PLEKHA6: variants seen among roughly 807,000 people sequenced by gnomAD.
PLEKHA6 encodes the protein pleckstrin homology domain-containing family A member 6.
In PLEKHA6, 60 loss-of-function variants were observed where a neutral mutation model predicts 116.7. That is an observed-to-expected ratio of 0.51 (90% confidence interval 0.42 to 0.64). PLEKHA6 has a LOEUF of 0.64. Ranked by LOEUF, PLEKHA6 falls within the 30% of genes least tolerant of loss-of-function variation. The probability of loss-of-function intolerance (pLI) is 0.00; values close to 1 mark genes in which losing one functional copy is unlikely to be tolerated. For missense variants in PLEKHA6, 1,338 were observed against 1,422.7 expected, an observed-to-expected ratio of 0.94 and a Z score of 0.96; for synonymous variants, 489 against 556.1, an observed-to-expected ratio of 0.88 and a Z score of 1.70.
intron 1 of PLEKHA6, among the ~76,000 whole-genome samples, chr1:204,358,904 A>AC (rs1264818544): frequency 6.3e-5 from 5 of 79,694 alleles, no homozygotes; most frequent in Admixed American, 1.3e-4. Context: ...CTTCTCCCCC[A>AC]CCCCCGCCAC....
rs1660657530 is a variant in PLEKHA6, at chr1:204,228,261, A to G, written c.2886-33T>C. 6.4e-7 allele frequency: 1 copy of G among 1,565,416 alleles called. No homozygotes were observed. Among genetic ancestry groups the G allele is most frequent in the East Asian group, 2.3e-5 (1 of 43,968 alleles). On this transcript the variant is annotated intron_variant, in intron 20 of 22. Coordinates refer to ENST00000272203, the MANE Select transcript of PLEKHA6 (RefSeq NM_014935.5). This position sits in a 1 kb window ranked among gnomAD's most constrained non-coding sequence, Gnocchi z 4.0. The stretch of plus-strand genomic sequence containing the variant: ...GGCACAGACACACAGAAATGGAGGG[A>G]GGGACAGGATGGTCCAAGTGGCTTG...
chr1:204,290,553 C>T (rs1669640152), intron 1 of PLEKHA6, among the ~76,000 whole-genome samples: 1 of 152,146 alleles, frequency 6.6e-6, no homozygotes, highest in African/African-American at 2.4e-5. Flanking sequence ...AGAGCTAAAA[C>T]TACAATGTTT....
chr1:204,321,739 G>A (rs940582946), intron 1 of PLEKHA6, among the ~76,000 whole-genome samples: 18 of 152,120 alleles, frequency 1.2e-4, no homozygotes, highest in African/African-American at 3.1e-4. Context: ...ACTGTGAAAC[G>A]GAAAGGACAA....
chr1:204,295,640 A>G (rs1670203455), intron 1 of PLEKHA6, among the ~76,000 whole-genome samples: 1 of 152,172 alleles, frequency 6.6e-6, no homozygotes, highest in African/African-American at 2.4e-5. Context: ...ATAGGACAAA[A>G]GAGCTGCTCA....
intron 1 of PLEKHA6, chr1:204,347,265 G>C: frequency 1.0e-6 from 1 of 987,974 alleles, no homozygotes; most frequent in Admixed American, 1.7e-5. Context: ...TCATTTTGGC[G>C]AATTACTGGA....
rs201457045 is a variant in PLEKHA6, at chr1:204,265,009, G to A, written c.314C>T (p.Pro105Leu). ...TGCGGCTACCCGGAAGCTCAGGAGGGGGATGCTGCCCAGGATACTCTCTTC... is the reference window on the plus strand; with the variant it reads ...TGCGGCTACCCGGAAGCTCAGGAGGAGGATGCTGCCCAGGATACTCTCTTC... ...EKEESILGSI[P>L]LLSFRVAAVQ... Residue 105 changes from proline (P) to leucine (L), a missense_variant, in exon 6 of 23, where the codon CCC becomes CTC. Pro to Leu is a moderately conservative substitution (Grantham distance 98). Transcript: ENST00000272203. 3 of 1,614,080 alleles carry A rather than the reference G, an allele frequency of 1.9e-6. No individual in the cohort carries two copies. The East Asian group carries it at 6.7e-5, about 36-fold the overall frequency.
chr1:204,359,462 G>A (rs1295403094), intron 1 of PLEKHA6: 1 of 235,260 alleles, frequency 4.3e-6, no homozygotes, highest in Non-Finnish European at 7.0e-6. Flanking sequence ...AACAGCATCA[G>A]CCCTGACAGG....
chr1:204,340,256 CCT>C (rs1672797498), intron 1 of PLEKHA6, among the ~76,000 whole-genome samples: 1 of 152,242 alleles, frequency 6.6e-6, no homozygotes. Flanking sequence ...GAAAACAAAC[CCT>C]CTGTGTTTGC....
rs1660804650 is a variant in PLEKHA6, at chr1:204,229,119, C to G, written c.2584-15G>C. On this transcript the variant is annotated splice_polypyrimidine_tract_variant and intron_variant, in intron 18 of 22. Coordinates refer to ENST00000272203, the MANE Select transcript of PLEKHA6 (RefSeq NM_014935.5). ...TGGCGGCGCACCTAGGGGACAGCAG[C>G]ATCGTGATTGCACCATGGCTACCCA... 2 of 1,608,382 alleles carry G rather than the reference C, an allele frequency of 1.2e-6. No homozygotes were observed. The highest frequency in any genetic ancestry group is 1.7e-5 in the Admixed American group (1 of 59,992).
intron 1 of PLEKHA6, among the ~76,000 whole-genome samples, chr1:204,324,266 A>C (rs2103239691): frequency 6.6e-6 from 1 of 152,254 alleles, no homozygotes; most frequent in African/African-American, 2.4e-5. Flanking sequence ...TGGATCGTGA[A>C]GGGATTTTGA....
At position 204,257,290 on chromosome 1, in the gene PLEKHA6, A is replaced by G. The variant is rs1180795465; in HGVS notation, c.1524+63T>C. On this transcript the variant is annotated intron_variant, in intron 9 of 22. Coordinates refer to ENST00000272203, the MANE Select transcript of PLEKHA6 (RefSeq NM_014935.5). The surrounding 1 kb of genome is among the most constrained non-coding windows in gnomAD (Gnocchi z 6.5). ...TCCCACATCTCTGCCTTTTCTCAGT[A>G]GATGGTCTTAGGCTTCTGGGGACCT... 1 of 1,455,252 alleles carries G rather than the reference A, an allele frequency of 6.9e-7. No homozygotes were observed. The highest frequency in any genetic ancestry group is 9.4e-7 in the Non-Finnish European group (1 of 1,062,714). The allele number at this position is 1,455,252 out of a possible 1,614,324, so 90.1% of individuals were successfully genotyped here.
chr1:204,361,417 C>T (rs1673556581), upstream of PLEKHA6, among the ~76,000 whole-genome samples: 1 of 152,154 alleles, frequency 6.6e-6, no homozygotes, highest in Admixed American at 6.5e-5. Context: ...TGGCTCCACA[C>T]CCCACTCACA....
At chr1:204,273,818 C>G (rs1667730660) in intron 2 of PLEKHA6, 78 bp from the exon 3 acceptor site, 2 of 971,888 alleles carry the variant, frequency 2.1e-6, no homozygotes, top group Non-Finnish European at 3.2e-6. Context: ...TTTTCCACAC[C>G]CTGCCACCCA....
intron 1 of PLEKHA6, chr1:204,309,586 G>C (rs531660359): frequency 4.6e-6 from 1 of 215,104 alleles, no homozygotes; most frequent in Admixed American, 6.5e-5. Flanking sequence ...ACCTGGGCTT[G>C]TGTACGTACA....
At chr1:204,240,020 T>C (rs901401913) in intron 17 of PLEKHA6, among the ~76,000 whole-genome samples, 6 of 152,178 alleles carry the variant, frequency 3.9e-5, no homozygotes, top group Non-Finnish European at 8.8e-5. Context: ...AAGTTAAGAT[T>C]GCCACCTGGA....
At chr1:204,317,412 G>A (rs7539690) in intron 1 of PLEKHA6, 34,584 of 153,346 alleles carry the variant, frequency 0.23, 4,049 homozygotes, top group South Asian at 0.29. Context: ...ATGCAAGCTC[G>A]GCCCCACCTG....
chr1:204,310,152 G>A (rs1365422497), intron 1 of PLEKHA6, among the ~76,000 whole-genome samples: 1 of 152,054 alleles, frequency 6.6e-6, no homozygotes, highest in East Asian at 1.9e-4. Context: ...AGCCTCTCAG[G>A]AAGGATGTAG....
intron 1 of PLEKHA6, among the ~76,000 whole-genome samples, chr1:204,345,556 T>C (rs1237874804): frequency 6.6e-6 from 1 of 151,946 alleles, no homozygotes; most frequent in African/African-American, 2.4e-5. Flanking sequence ...GGTGCCACCA[T>C]GAGGCAGATG....
chr1:204,357,418 C>T (rs944647340), intron 1 of PLEKHA6, among the ~76,000 whole-genome samples: 3 of 152,338 alleles, frequency 2.0e-5, no homozygotes, highest in Non-Finnish European at 4.4e-5. Context: ...CTACCCTCAA[C>T]TTCTTTTCCT....
Sources: allele counts gnomAD v4.1 joint callset (sites outside exome capture counted in the v4.1 genomes callset), GRCh38; gene constraint gnomAD v4.1.1; non-coding constraint Gnocchi (gnomAD v3.1); transcripts MANE v1.5; gene names NCBI Gene and HGNC (gene_info 2026-07-23, HGNC 2026-07-21).